The following SH3GL3 variants were observed in gnomAD, a reference collection of about 807,000 sequenced individuals.
SH3GL3 encodes endophilin-A3.
Under a neutral mutation model 47.7 loss-of-function variants are expected in SH3GL3, and 33 were observed. The observed-to-expected ratio is 0.69, with a 90% CI of 0.52 to 0.92. SH3GL3 has a LOEUF of 0.92. SH3GL3 is among the 40% of genes least tolerant of loss of function. The probability of loss-of-function intolerance (pLI) is 0.00; values close to 1 mark genes in which losing one functional copy is unlikely to be tolerated. For synonymous variants in SH3GL3, 155 were observed against 148.8 expected (o/e 1.04, Z -0.30); for missense variants, 363 against 417.8 (o/e 0.87, Z 1.14).
At chr15:83,540,533 GTAA>G (rs1251625307) in intron 1 of SH3GL3, among the ~76,000 whole-genome samples, 1 of 152,006 alleles carries the variant, frequency 6.6e-6, no homozygotes, top group South Asian at 2.1e-4. Context: ...CTTTATTCTA[GTAA>G]TAATGTTTTC....
chr15:83,546,317 G>T (rs2044394558), intron 1 of SH3GL3, among the ~76,000 whole-genome samples: 1 of 151,858 alleles, frequency 6.6e-6, no homozygotes, highest in Admixed American at 6.6e-5. Context: ...CACTGCCTCA[G>T]GCCCATGGCA....
chr15:83,569,434 T>C (rs1458759713), intron 4 of SH3GL3, among the ~76,000 whole-genome samples: 1 of 152,232 alleles, frequency 6.6e-6, no homozygotes, highest in Non-Finnish European at 1.5e-5. Context: ...AAAAACATTT[T>C]ACATAGCATT....
At chr15:83,601,380 G>A (rs1399186460) in intron 8 of SH3GL3, among the ~76,000 whole-genome samples, 5 of 152,220 alleles carry the variant, frequency 3.3e-5, no homozygotes, top group Middle Eastern at 3.4e-3. Context: ...CTTGTATGCC[G>A]ATTTTGCTGA....
chr15:83,569,094 G>C (rs1238928663), intron 4 of SH3GL3, among the ~76,000 whole-genome samples: 1 of 151,844 alleles, frequency 6.6e-6, no homozygotes. Flanking sequence ...ACAGGGTTTC[G>C]CCATTTTGGC....
intron 1 of SH3GL3, among the ~76,000 whole-genome samples, chr15:83,469,817 C>G (rs572109664): frequency 6.6e-6 from 1 of 152,230 alleles, no homozygotes; most frequent in Non-Finnish European, 1.5e-5. Context: ...AATAAATTAT[C>G]TAAATATTGA....
chr15:83,571,306 G>T (rs553583034), intron 4 of SH3GL3, among the ~76,000 whole-genome samples: 16 of 152,334 alleles, frequency 1.1e-4, no homozygotes, highest in African/African-American at 3.8e-4. Flanking sequence ...AGCTGACATT[G>T]TGAGACACTG....
intron 1 of SH3GL3, among the ~76,000 whole-genome samples, chr15:83,494,785 C>T (rs769292420): frequency 1.3e-5 from 2 of 152,154 alleles, no homozygotes; most frequent in African/African-American, 2.4e-5. Flanking sequence ...TCAAGTGATT[C>T]GCTTGCCTCC....
At chr15:83,597,194 C>G (rs2060257075) in intron 8 of SH3GL3, among the ~76,000 whole-genome samples, 1 of 152,140 alleles carries the variant, frequency 6.6e-6, no homozygotes, top group South Asian at 2.1e-4. Context: ...GCCTGCAGTC[C>G]TTGCCTCATT....
At chr15:83,467,752 T>C (rs533953207) in intron 1 of SH3GL3, among the ~76,000 whole-genome samples, 1 of 152,222 alleles carries the variant, frequency 6.6e-6, no homozygotes, top group African/African-American at 2.4e-5. Flanking sequence ...ATCGTGTGCA[T>C]GTTTTATTAA....
At chr15:83,528,259 A>G (rs192664296) in intron 1 of SH3GL3, among the ~76,000 whole-genome samples, 34 of 152,302 alleles carry the variant, frequency 2.2e-4, no homozygotes, top group African/African-American at 7.2e-4. Flanking sequence ...TTTTGACAGT[A>G]TGCTACAGAG....
intron 1 of SH3GL3, among the ~76,000 whole-genome samples, chr15:83,542,923 G>C (rs1415148574): frequency 6.6e-6 from 1 of 151,954 alleles, no homozygotes; most frequent in Non-Finnish European, 1.5e-5. Flanking sequence ...AGGATAATTT[G>C]ACTTTTTCCT....
intron 1 of SH3GL3, among the ~76,000 whole-genome samples, chr15:83,529,198 G>T (rs1159134020): frequency 6.6e-6 from 1 of 152,202 alleles, no homozygotes; most frequent in Non-Finnish European, 1.5e-5. Context: ...CCCAGTGGTG[G>T]CAGTGGTGGG....
At chr15:83,517,195 CTTTTCTTTTCTT>C (rs2043016700) in intron 1 of SH3GL3, among the ~76,000 whole-genome samples, 5 of 128,402 alleles carry the variant, frequency 3.9e-5, no homozygotes, top group Admixed American at 9.3e-5. Flanking sequence ...TTTTCTTTTT[CTTTTCTTTTCTT>C]TTTTTTTTTT....
intron 1 of SH3GL3, among the ~76,000 whole-genome samples, chr15:83,524,736 G>A (rs2151660742): frequency 6.6e-6 from 1 of 151,892 alleles, no homozygotes; most frequent in Middle Eastern, 3.4e-3. Flanking sequence ...AGTTGTTTTA[G>A]CTCCCAAATA....
chr15:83,507,425 T>TA (rs1201086724), intron 1 of SH3GL3, among the ~76,000 whole-genome samples: 5 of 150,916 alleles, frequency 3.3e-5, no homozygotes, highest in Non-Finnish European at 1.5e-5. Flanking sequence ...TTATTATTAT[T>TA]TTTTTTTTGA....
intron 1 of SH3GL3, among the ~76,000 whole-genome samples, chr15:83,537,624 G>A (rs1460842787): frequency 6.6e-6 from 1 of 152,138 alleles, no homozygotes; most frequent in Non-Finnish European, 1.5e-5. Context: ...CCACCATACA[G>A]TTATTTTATT....
chr15:83,591,244 A>G (rs555731489), intron 8 of SH3GL3, among the ~76,000 whole-genome samples: 2 of 152,184 alleles, frequency 1.3e-5, no homozygotes, highest in Admixed American at 6.5e-5. Context: ...CTGACCTCAA[A>G]TGATCTGGCT....
chr15:83,631,584 G>T, the SH3GL3 span, among the ~76,000 whole-genome samples: 12 of 152,218 alleles, frequency 7.9e-5, no homozygotes, highest in South Asian at 2.1e-4. Flanking sequence ...AGCCACCAAG[G>T]GTTGGGGCTT....
At chr15:83,521,663 T>C (rs1297486359) in intron 1 of SH3GL3, among the ~76,000 whole-genome samples, 3 of 151,872 alleles carry the variant, frequency 2.0e-5, no homozygotes, top group East Asian at 3.9e-4. Flanking sequence ...TGAGTGGAGG[T>C]TGGGGCTGAG....
Sources: gnomAD v4.1 joint callset for allele counts (sites outside exome capture counted in the v4.1 genomes callset) on GRCh38, gnomAD v4.1.1 for gene constraint, MANE v1.5 for transcripts, NCBI Gene and HGNC (gene_info 2026-07-23, HGNC 2026-07-21) for gene names.